The following KIAA0408 variants were observed in gnomAD, a reference collection of about 807,000 sequenced individuals.
KIAA0408 encodes KIAA0408.
In KIAA0408, 51 loss-of-function variants were observed where a neutral mutation model predicts 60.9. The ratio of observed to expected loss-of-function variants is 0.84; its 90% CI spans 0.67 to 1.06. The LOEUF (loss-of-function observed/expected upper bound fraction) is 1.06, where lower values mean the gene tolerates loss of function less well. Ranked by LOEUF, KIAA0408 falls within the 50% of genes least tolerant of loss-of-function variation. The pLI is 0.00. For missense variants in KIAA0408, 787 were observed against 833.9 expected (o/e 0.94, Z 0.69); for synonymous variants, 304 against 282.4 (o/e 1.08, Z -0.77).
Position 127,446,438 on chromosome 6 carries a change from C to T in KIAA0408, c.1881G>A (p.Lys627=). ...TTATCTTTTTCGGATCTATTCCTTG[C>T]TTCACTTCCTGTCCCCCCCACACAG... is the stretch of plus-strand genomic sequence containing the variant. The part of the protein sequence containing the change: ...KTAVWGGQEV[K]QGIDPKKITE... The change falls in exon 5 of 6, where the codon AAG becomes AAA. Residue 627 remains lysine, a synonymous_variant. Coordinates refer to ENST00000483725, the MANE Select transcript of KIAA0408 (RefSeq NM_014702.5). The T allele has an allele frequency of 1.2e-6, 2 of 1,611,464 alleles. No homozygotes were observed. The highest frequency in any genetic ancestry group is 8.5e-7 in the Non-Finnish European group (1 of 1,177,846).
Position 127,450,174 on chromosome 6 carries a change from T to C in KIAA0408, c.314A>G (p.Asn105Ser), listed in dbSNP as rs1274434596. ...TNHKDGLRKE[N>S]KREQSLVSGG... The stretch of plus-strand genomic sequence containing the variant: ...ACTGACTAAGCTCTGCTCTCTTTTA[T>C]TTTCTTTTCTCAGACCATCTTTGTG... The change falls in exon 3 of 6, where the codon AAT becomes AGT. Residue 105 changes from asparagine (N) to serine (S), a missense_variant. Physicochemically the swap from Asn to Ser is conservative, Grantham distance 46. This residue lies in a region of KIAA0408 where 640 missense variants were observed against 681.3 expected (regional missense o/e 0.94). Transcript: ENST00000483725. 3.1e-6 allele frequency: 5 copies of C among 1,614,012 alleles called. No homozygotes were observed. The highest frequency in any genetic ancestry group is 2.5e-6 in the Non-Finnish European group (3 of 1,180,014).
chr6:127,442,573 A>C lies in KIAA0408; in HGVS notation c.*1536T>G, dbSNP rs1773123305. The stretch of plus-strand genomic sequence containing the variant: ...TAACTACCGAAACTGTCCTTACAGT[A>C]AAGTATGAATCTAGACATCACCATG... On this transcript the variant is annotated 3_prime_UTR_variant, in exon 6 of 6. Transcript: ENST00000483725. The C allele has an allele frequency of 2.6e-5, 4 of 152,232 alleles. No individual in the cohort carries two copies. In the East Asian group the frequency reaches 7.7e-4, roughly 29 times the overall value. 9.4% of individuals were successfully genotyped at this position (152,232 alleles called of 1,614,324 possible). A position where few individuals can be genotyped will look rare whatever the true frequency, so the allele number is the denominator to read the frequency against.
chr6:127,454,237 C>T, intron 1 of KIAA0408, 136 bp from the exon 2 acceptor site: 1 of 846,012 alleles, frequency 1.2e-6, no homozygotes, highest in Non-Finnish European at 1.5e-6. Flanking sequence ...CAACAGTCTA[C>T]TTAAGAAGAA....
Position 127,454,018 on chromosome 6 carries a change from C to T in KIAA0408, c.-37G>A, listed in dbSNP as rs746629998. ...AAGTGTCAGCAAAGAAGTGTTTCTG[C>T]TCTTCTCTGCCTCCTCTTAACTGTT... On this transcript the variant is annotated 5_prime_UTR_variant, in exon 2 of 6. Coordinates refer to ENST00000483725, the MANE Select transcript of KIAA0408 (RefSeq NM_014702.5). 1.3e-6 allele frequency: 2 copies of T among 1,591,678 alleles called. No individual in the cohort carries two copies.
At chr6:127,458,217 T>A (rs2114809853) in intron 1 of KIAA0408, among the ~76,000 whole-genome samples, 1 of 152,322 alleles carries the variant, frequency 6.6e-6, no homozygotes, top group East Asian at 1.9e-4. Flanking sequence ...TCTATCCCTT[T>A]CTCCAGGCTA....
chr6:127,445,430 T>C (rs993980164), intron 5 of KIAA0408, among the ~76,000 whole-genome samples: 1 of 152,210 alleles, frequency 6.6e-6, no homozygotes, highest in African/African-American at 2.4e-5. Context: ...TTCTGCACCT[T>C]ATAAAAACAG....
intron 5 of KIAA0408, among the ~76,000 whole-genome samples, chr6:127,445,803 G>T (rs1043307570): frequency 1.3e-5 from 2 of 151,880 alleles, no homozygotes; most frequent in African/African-American, 4.8e-5. Flanking sequence ...ATTTGAGTGG[G>T]GTTTTTTTGG....
intron 1 of KIAA0408, among the ~76,000 whole-genome samples, chr6:127,456,442 C>A (rs1192994710): frequency 6.6e-6 from 1 of 152,140 alleles, no homozygotes; most frequent in Non-Finnish European, 1.5e-5. Context: ...TACCCTAGAT[C>A]AGTCTTGCTC....
At chr6:127,449,758 C>T in intron 4 of KIAA0408, 64 bp downstream of exon 4, 1 of 1,597,590 alleles carries the variant, frequency 6.3e-7, no homozygotes, top group Non-Finnish European at 8.5e-7. Flanking sequence ...AGTTTGGAGT[C>T]ATTAACTAAA....
rs531322366 is a variant in KIAA0408, at chr6:127,451,803, C to A, written c.136-1451G>T. ...CTAATTTTATGCCATCTTAAATTTT[C>A]TTGATTTAGGTGAGGTATGAATCAA... On this transcript the variant is annotated intron_variant, in intron 2 of 5. Coordinates refer to ENST00000483725, the MANE Select transcript of KIAA0408 (RefSeq NM_014702.5). Among the ~76,000 whole-genome samples, 5 of 151,970 alleles carry A rather than the reference C, an allele frequency of 3.3e-5. No homozygotes were observed. In the South Asian group the frequency reaches 1.0e-3, roughly 32 times the overall value.
chr6:127,444,311 A>G, intron 5 of KIAA0408, 29 bp from the exon 6 acceptor site: 1 of 1,531,044 alleles, frequency 6.5e-7, no homozygotes, highest in Non-Finnish European at 8.8e-7. Flanking sequence ...CATTCCTCTC[A>G]CTCTCTGGGT....
chr6:127,457,390 C>T (rs755869680), intron 1 of KIAA0408, among the ~76,000 whole-genome samples: 2 of 152,188 alleles, frequency 1.3e-5, no homozygotes, highest in Non-Finnish European at 2.9e-5. Flanking sequence ...TTTTCTCCCA[C>T]AGATACTGGC....
chr6:127,448,281 G>A (rs1773239397), intron 4 of KIAA0408, among the ~76,000 whole-genome samples: 1 of 152,108 alleles, frequency 6.6e-6, no homozygotes, highest in Non-Finnish European at 1.5e-5. Flanking sequence ...TTTTTTGGAT[G>A]ACTTGAGTAA....
intron 4 of KIAA0408, 54 bp from the exon 5 acceptor site, chr6:127,447,794 C>G: frequency 6.9e-7 from 1 of 1,455,984 alleles, no homozygotes; most frequent in South Asian, 1.6e-5. Flanking sequence ...AGAATAAGCT[C>G]TCAAAAGCAA....
chr6:127,444,302 A>G lies in KIAA0408; in HGVS notation c.1912-20T>C. On this transcript the variant is annotated intron_variant, in intron 5 of 5. Coordinates refer to ENST00000483725, the MANE Select transcript of KIAA0408 (RefSeq NM_014702.5). Reference sequence around the variant, plus strand: ...GGATTCCTAGGACACAAGTAAAAACATTCCTCTCACTCTCTGGGTACCAAC... The same window carrying G: ...GGATTCCTAGGACACAAGTAAAAACGTTCCTCTCACTCTCTGGGTACCAAC... 2 of 1,543,328 alleles carry G rather than the reference A, an allele frequency of 1.3e-6. No homozygotes were observed. The highest frequency in any genetic ancestry group is 1.7e-6 in the Non-Finnish European group (2 of 1,145,360).
chr6:127,449,376 G>A (rs1049507254), intron 4 of KIAA0408, among the ~76,000 whole-genome samples: 5 of 152,286 alleles, frequency 3.3e-5, no homozygotes, highest in East Asian at 1.9e-4. Context: ...CTGGCCTGGC[G>A]TGGTGGCTCA....
At chr6:127,446,015 T>C (rs1332006317) in intron 5 of KIAA0408, among the ~76,000 whole-genome samples, 1 of 152,106 alleles carries the variant, frequency 6.6e-6, no homozygotes, top group Non-Finnish European at 1.5e-5. Context: ...AGTTAATAAC[T>C]GAAAAATGAA....
At position 127,441,409 on chromosome 6, in the gene KIAA0408, A is replaced by AACACACAC. The variant is rs139335520; in HGVS notation, c.*2692_*2699dup. 1 of 148,138 alleles carries AACACACAC rather than the reference A, an allele frequency of 6.8e-6. No individual in the cohort carries two copies. The highest frequency in any genetic ancestry group is 2.5e-5 in the African/African-American group (1 of 40,442). 9.2% of individuals were successfully genotyped at this position (148,138 alleles called of 1,614,324 possible). On this transcript the variant is annotated 3_prime_UTR_variant, in exon 6 of 6. Coordinates refer to ENST00000483725, the MANE Select transcript of KIAA0408 (RefSeq NM_014702.5). ...GGAGAACTTATGTGACACTGACACAAACACACACACACACACACACACACA... is the reference window on the plus strand; with the variant it reads ...GGAGAACTTATGTGACACTGACACAAACACACACACACACACACACACACACACACACA...
chr6:127,453,774 A>C, intron 2 of KIAA0408, 73 bp downstream of exon 2: 1 of 1,541,504 alleles, frequency 6.5e-7, no homozygotes, highest in Non-Finnish European at 8.7e-7. Context: ...ACAGTTTCCA[A>C]TACAAAACAG....
Sources: gnomAD v4.1 joint callset for allele counts (sites outside exome capture counted in the v4.1 genomes callset) on GRCh38, gnomAD v4.1.1 for gene constraint, gnomAD v4.1.1 regional missense constraint, MANE v1.5 for transcripts, NCBI Gene and HGNC (gene_info 2026-07-23, HGNC 2026-07-21) for gene names.